NDUFA8: variants seen among roughly 807,000 people sequenced by gnomAD.
The protein encoded by NDUFA8 is NADH:ubiquinone oxidoreductase subunit A8.
A neutral mutation model predicts 20.9 loss-of-function variants in NDUFA8; 16 were observed. That is an observed-to-expected ratio of 0.77 (90% CI 0.52 to 1.16). The LOEUF is 1.16. NDUFA8 is among the 50% of genes most tolerant of loss of function. NDUFA8 has a pLI of 0.00. For synonymous variants in NDUFA8, 70 were observed against 76.1 expected (o/e 0.92, Z 0.41); for missense variants, 202 against 216.4 (o/e 0.93, Z 0.42).
rs982305274 is a variant in NDUFA8, at chr9:122,159,615, G to A, written c.51+12C>T. ...CCCATGTCTCCCTTGCCTGTCCTCC[G>A]GATAGCCTCACCTCATCTACTTTCA... On this transcript the variant is annotated intron_variant, in intron 1 of 3. Transcript: ENST00000373768. 7.4e-6 allele frequency: 12 copies of A among 1,614,094 alleles called. No individual in the cohort carries two copies. The highest frequency in any genetic ancestry group is 9.3e-6 in the Non-Finnish European group (11 of 1,179,966).
At chr9:122,138,014 A>G in the NDUFA8 span, among the ~76,000 whole-genome samples, 1 of 152,222 alleles carries the variant, frequency 6.6e-6, no homozygotes, top group Non-Finnish European at 1.5e-5. Flanking sequence ...CACCACTAGG[A>G]TCCTTGGAAA....
Position 122,152,402 on chromosome 9 carries a change from T to C in NDUFA8, c.58A>G (p.Ile20Val). 2 of 1,613,938 alleles carry C rather than the reference T, an allele frequency of 1.2e-6. No homozygotes were observed. The highest frequency in any genetic ancestry group is 1.7e-6 in the Non-Finnish European group (2 of 1,179,962). Residue 20 changes from isoleucine to valine, a missense_variant, in exon 2 of 4, where the codon ATT becomes GTT. Physicochemically the swap from Ile to Val is conservative, Grantham distance 29. Transcript: ENST00000373768. ...LEELKVDEVK[I>V]SSAVLKAAAH... ...GCAGCTTTAAGCACAGCAGAACTAA[T>C]TTTCACCTAGGAAAGGAAAGATGGG...
the NDUFA8 span, among the ~76,000 whole-genome samples, chr9:122,136,053 T>C: frequency 1.3e-5 from 2 of 152,224 alleles, no homozygotes; most frequent in African/African-American, 4.8e-5. Flanking sequence ...CCCATGTCAA[T>C]AGAGTCACTT....
chr9:122,142,427 A>G (rs1828836865), downstream of NDUFA8, among the ~76,000 whole-genome samples: 2 of 152,178 alleles, frequency 1.3e-5, no homozygotes, highest in Admixed American at 1.3e-4. Context: ...GCCACACTAC[A>G]CACCAATTAC....
At chr9:122,148,351 T>A in intron 2 of NDUFA8, 74 bp from the exon 3 acceptor site, 1 of 1,531,772 alleles carries the variant, frequency 6.5e-7, no homozygotes, top group South Asian at 1.1e-5. Context: ...AAAAAATAGG[T>A]ACAGATCTCA....
downstream of NDUFA8, among the ~76,000 whole-genome samples, chr9:122,139,765 C>A (rs1467674464): frequency 6.6e-6 from 1 of 152,214 alleles, no homozygotes; most frequent in African/African-American, 2.4e-5. Context: ...ATGATCTCAG[C>A]TCAATGCAAC....
At position 122,144,177 on chromosome 9, in the gene NDUFA8, C is replaced by T. The variant is rs6822; in HGVS notation, c.*64G>A. ...GAACACACTATCAGTCGATGCAAACCGCATGGGCGTTTTCATCAGTCGTTG... is the reference window on the plus strand; with the variant it reads ...GAACACACTATCAGTCGATGCAAACTGCATGGGCGTTTTCATCAGTCGTTG... On this transcript the variant is annotated 3_prime_UTR_variant, in exon 4 of 4. Coordinates refer to ENST00000373768, the MANE Select transcript of NDUFA8 (RefSeq NM_014222.3). The T allele has an allele frequency of 0.17, 272,752 of 1,611,198 alleles. 26,419 individuals are homozygous for T. The highest frequency in any genetic ancestry group is 0.41 in the African/African-American group (30,855 of 74,884).
intron 3 of NDUFA8, among the ~76,000 whole-genome samples, chr9:122,147,616 A>ATTTTT (rs1564408372): frequency 9.4e-6 from 1 of 106,010 alleles, no homozygotes; most frequent in African/African-American, 4.4e-5. Flanking sequence ...GGCCTAAAGA[A>ATTTTT]ATTTTTTTTT....
intron 1 of NDUFA8, 33 bp downstream of exon 1, chr9:122,159,594 T>G: frequency 1.9e-6 from 3 of 1,613,688 alleles, no homozygotes; most frequent in Non-Finnish European, 2.5e-6. Flanking sequence ...CGCAGCCCCA[T>G]GTCTCCCTTG....
chr9:122,139,244 T>C (rs1588288596), downstream of NDUFA8, among the ~76,000 whole-genome samples: 1 of 152,138 alleles, frequency 6.6e-6, no homozygotes, highest in Non-Finnish European at 1.5e-5. Context: ...GGGACACTCT[T>C]CCATCCACTC....
At chr9:122,146,485 T>C (rs978746913) in intron 3 of NDUFA8, among the ~76,000 whole-genome samples, 2 of 152,224 alleles carry the variant, frequency 1.3e-5, no homozygotes, top group African/African-American at 2.4e-5. Context: ...TAAAATAATA[T>C]GTTCAGTACA....
the NDUFA8 span, among the ~76,000 whole-genome samples, chr9:122,134,963 G>A: frequency 6.6e-6 from 1 of 152,234 alleles, no homozygotes; most frequent in South Asian, 2.1e-4. Flanking sequence ...CTGCACAACG[G>A]GTTCAAGCTG....
At position 122,148,273 on chromosome 9, in the gene NDUFA8, T is replaced by C. The variant is rs1252989496; in HGVS notation, c.220A>G (p.Ile74Val). Residue 74 changes from isoleucine to valine, a missense_variant, in exon 3 of 4, where the codon ATA becomes GTA. Ile to Val is a conservative substitution (Grantham distance 29). Coordinates refer to ENST00000373768, the MANE Select transcript of NDUFA8 (RefSeq NM_014222.3). ...AAAGGCTCTGCACAGTGACGTTTTA[T>C]CTGCCTGGAAAAGAAAGCTGGGTTA... ...NKCALDFFRQ[I>V]KRHCAEPFTE... 6.2e-7 allele frequency: 1 copy of C among 1,614,170 alleles called. No homozygotes were observed.
downstream of NDUFA8, among the ~76,000 whole-genome samples, chr9:122,143,655 G>A (rs555055493): frequency 1.2e-4 from 19 of 152,170 alleles, no homozygotes; most frequent in Non-Finnish European, 2.5e-4. Flanking sequence ...GGGAAGTGGT[G>A]GAAGTTCGGT....
In NDUFA8 at chr9:122,148,152, T is replaced by C; in HGVS notation, c.341A>G (p.Lys114Arg). 1 of 1,614,066 alleles carries C rather than the reference T, an allele frequency of 6.2e-7. No individual in the cohort carries two copies. The highest frequency in any genetic ancestry group is 2.2e-5 in the East Asian group (1 of 44,886). The part of the protein sequence containing the change: ...QAKFDECVLD[K>R]LGWVRPDLGE... ...CAGGTCAGGCCGCACCCAGCCCAGT[T>C]TGTCCAGCACACACTCGTCAAACTT... The change falls in exon 3 of 4, where the codon AAA becomes AGA. Residue 114 changes from lysine (K) to arginine (R), a missense_variant. Transcript: ENST00000373768.
intron 2 of NDUFA8, among the ~76,000 whole-genome samples, chr9:122,150,745 G>A (rs191793702): frequency 1.4e-4 from 22 of 152,026 alleles, no homozygotes; most frequent in South Asian, 4.2e-4. Context: ...CAAGGAGAGC[G>A]GATCACTTGA....
intron 1 of NDUFA8, among the ~76,000 whole-genome samples, chr9:122,152,719 C>T (rs1358880629): frequency 1.3e-5 from 2 of 152,010 alleles, no homozygotes; most frequent in East Asian, 1.9e-4. Context: ...CCTCGCCCAG[C>T]GATTCTTTAA....
At chr9:122,139,852 C>T (rs1336875836), downstream of NDUFA8, among the ~76,000 whole-genome samples, 1 of 152,142 alleles carries the variant, frequency 6.6e-6, no homozygotes, top group Non-Finnish European at 1.5e-5. Flanking sequence ...TACCACTACG[C>T]CCAGCTAATT....
chr9:122,158,339 CTG>C (rs1457491381), intron 1 of NDUFA8, among the ~76,000 whole-genome samples: 1 of 152,038 alleles, frequency 6.6e-6, no homozygotes, highest in Non-Finnish European at 1.5e-5. Context: ...CAAGTCCAAA[CTG>C]TTTGGTCTGG....
Sources: allele counts gnomAD v4.1 joint callset (sites outside exome capture counted in the v4.1 genomes callset), GRCh38; gene constraint gnomAD v4.1.1; transcripts MANE v1.5; gene names NCBI Gene and HGNC (gene_info 2026-07-23, HGNC 2026-07-21).